DGKI: variants seen among roughly 807,000 people sequenced by gnomAD.
DGKI encodes the protein DAG kinase iota.
In DGKI, 55 loss-of-function variants were observed where a neutral mutation model predicts 147.5. The ratio of observed to expected loss-of-function variants is 0.37; its 90% CI spans 0.30 to 0.47. The LOEUF (loss-of-function observed/expected upper bound fraction) is 0.47. DGKI is among the 20% of genes least tolerant of loss of function. The probability of loss-of-function intolerance (pLI) is 1.00; values close to 1 mark genes in which losing one functional copy is unlikely to be tolerated. For missense variants in DGKI, 1,007 were observed against 1,323.8 expected (o/e 0.76, Z 3.71); for synonymous variants, 469 against 477.1 (o/e 0.98, Z 0.22).
chr7:137,826,272 G>T (rs761749876), intron 1 of DGKI, among the ~76,000 whole-genome samples: 3 of 152,202 alleles, frequency 2.0e-5, no homozygotes, highest in African/African-American at 7.2e-5. Flanking sequence ...GCGTGAGCCA[G>T]CTCTCAGGCA....
rs181365044 is a variant in DGKI at position 137,698,423 on chromosome 7, C to G, written c.402-8421G>C. Among the ~76,000 whole-genome samples, 5 of 152,252 alleles carry G rather than the reference C, an allele frequency of 3.3e-5. No individual in the cohort carries two copies. The East Asian group carries it at 7.7e-4, about 24-fold the overall frequency. On this transcript the variant is annotated intron_variant, in intron 1 of 32. Transcript: ENST00000614521. ...GACTATGAGATAGTTGTAACGGAAG[C>G]CTCAGTTGGCCTCACAAGAAGTTCT...
At chr7:137,478,725 T>G (rs1212862107) in intron 23 of DGKI, among the ~76,000 whole-genome samples, 2 of 152,102 alleles carry the variant, frequency 1.3e-5, no homozygotes, top group African/African-American at 4.8e-5. Context: ...TAAGAAAAAC[T>G]AATGGCTCCT....
At chr7:137,401,150 G>T (rs1811742808) in intron 30 of DGKI, among the ~76,000 whole-genome samples, 1 of 152,214 alleles carries the variant, frequency 6.6e-6, no homozygotes, top group South Asian at 2.1e-4. Flanking sequence ...TTTTAGTGTA[G>T]AAACAATAAC....
intron 27 of DGKI, 56 bp downstream of exon 27, chr7:137,463,433 T>TC (rs1233901068): frequency 1.2e-6 from 2 of 1,601,544 alleles, no homozygotes; most frequent in Non-Finnish European, 1.7e-6. Context: ...CCACAGTACA[T>TC]CCTCTCCCAG....
At chr7:137,587,237 G>A in intron 12 of DGKI, 27 bp from the exon 13 acceptor site, 1 of 1,540,664 alleles carries the variant, frequency 6.5e-7, no homozygotes. Flanking sequence ...GGCCAGAAGA[G>A]ATATAAGAAA....
At chr7:137,533,055 T>C (rs1048387647) in intron 20 of DGKI, among the ~76,000 whole-genome samples, 7 of 152,144 alleles carry the variant, frequency 4.6e-5, no homozygotes, top group African/African-American at 1.7e-4. Context: ...AATTTCAGCA[T>C]TTTGGGAGGA....
chr7:137,430,099 G>A (rs1190952794), intron 28 of DGKI, among the ~76,000 whole-genome samples: 1 of 120,112 alleles, frequency 8.3e-6, no homozygotes, highest in African/African-American at 3.1e-5. Context: ...AAAGACACAT[G>A]CACACGTATA....
chr7:137,560,029 G>A (rs1159095603), intron 19 of DGKI, among the ~76,000 whole-genome samples: 1 of 152,172 alleles, frequency 6.6e-6, no homozygotes, highest in African/African-American at 2.4e-5. Flanking sequence ...GAAGCAGGAA[G>A]TGGAGAACTA....
intron 1 of DGKI, among the ~76,000 whole-genome samples, chr7:137,827,054 G>T (rs1417245556): frequency 6.6e-6 from 1 of 152,134 alleles, no homozygotes; most frequent in Non-Finnish European, 1.5e-5. Context: ...CCTGCAGACA[G>T]AACAGGGGTC....
intron 8 of DGKI, among the ~76,000 whole-genome samples, chr7:137,618,151 ATTT>A (rs1156891729): frequency 9.6e-5 from 1 of 10,466 alleles, no homozygotes; most frequent in African/African-American, 1.2e-4. Flanking sequence ...ATATATATAT[ATTT>A]TTTTTTTTTT....
intron 10 of DGKI, among the ~76,000 whole-genome samples, chr7:137,605,513 A>T (rs1820155542): frequency 6.6e-6 from 1 of 152,120 alleles, no homozygotes. Context: ...GGAAAAACAA[A>T]GAGACAATTA....
chr7:137,506,644 T>C (rs565722816), intron 21 of DGKI, among the ~76,000 whole-genome samples: 1 of 152,082 alleles, frequency 6.6e-6, no homozygotes, highest in African/African-American at 2.4e-5. Context: ...TAGTAACAAA[T>C]GAACCACATT....
At chr7:137,746,372 T>G (rs985531329) in intron 1 of DGKI, among the ~76,000 whole-genome samples, 4 of 152,184 alleles carry the variant, frequency 2.6e-5, no homozygotes, top group Admixed American at 1.3e-4. Context: ...ACAATCTGGA[T>G]AGGCTATTGG....
intron 1 of DGKI, among the ~76,000 whole-genome samples, chr7:137,813,248 TCTC>T (rs1273605497): frequency 6.6e-6 from 1 of 152,098 alleles, no homozygotes; most frequent in East Asian, 1.9e-4. Flanking sequence ...GAGCATCACT[TCTC>T]CTGGGTCACA....
At chr7:137,626,463 C>T (rs1820945469) in intron 6 of DGKI, among the ~76,000 whole-genome samples, 1 of 152,018 alleles carries the variant, frequency 6.6e-6, no homozygotes, top group Non-Finnish European at 1.5e-5. Context: ...ACCGCCTAAA[C>T]AGAACAGCTT....
intron 6 of DGKI, among the ~76,000 whole-genome samples, chr7:137,629,232 A>T (rs998387124): frequency 2.6e-5 from 4 of 152,248 alleles, no homozygotes; most frequent in Non-Finnish European, 4.4e-5. Context: ...TTGAAAAAAA[A>T]AAAGTACTTT....
At chr7:137,584,205 A>T (rs546791022) in intron 14 of DGKI, among the ~76,000 whole-genome samples, 1 of 152,168 alleles carries the variant, frequency 6.6e-6, no homozygotes, top group African/African-American at 2.4e-5. Flanking sequence ...CTGGGCCTTA[A>T]CTTGCATTTA....
At chr7:137,530,648 C>T (rs1817307669) in intron 20 of DGKI, among the ~76,000 whole-genome samples, 1 of 152,118 alleles carries the variant, frequency 6.6e-6, no homozygotes, top group African/African-American at 2.4e-5. Flanking sequence ...TATGGACTTC[C>T]TAAATTTGCG....
intron 20 of DGKI, among the ~76,000 whole-genome samples, chr7:137,533,175 G>C (rs749326298): frequency 8.6e-5 from 13 of 151,942 alleles, no homozygotes; most frequent in Non-Finnish European, 1.6e-4. Flanking sequence ...TGTTGTCCTA[G>C]CTACTCAGGA....
Sources: allele counts gnomAD v4.1 joint callset (sites outside exome capture counted in the v4.1 genomes callset), GRCh38; gene constraint gnomAD v4.1.1; transcripts MANE v1.5; gene names NCBI Gene and HGNC (gene_info 2026-07-23, HGNC 2026-07-21).